The following PITX1 variants were observed in gnomAD, a reference collection of about 807,000 sequenced individuals.
PITX1 encodes the protein paired like homeodomain 1.
Under a neutral mutation model 24.1 loss-of-function variants are expected in PITX1, and 5 were observed. That is an observed-to-expected ratio of 0.21 (90% CI 0.11 to 0.44). The LOEUF (loss-of-function observed/expected upper bound fraction) is 0.44, where lower values mean the gene tolerates loss of function less well. Among genes scored for constraint, PITX1 ranks in the 20% least tolerant of loss-of-function variants. The pLI is 0.99. For synonymous variants in PITX1, 213 were observed against 208.9 expected (o/e 1.02, Z -0.17); for missense variants, 401 against 455.4 (o/e 0.88, Z 1.09).
intron 2 of PITX1, 125 bp downstream of exon 2, chr5:135,031,151 A>C: frequency 1.4e-6 from 1 of 733,430 alleles, no homozygotes; most frequent in Non-Finnish European, 2.4e-6. Flanking sequence ...CGGTGGAGGG[A>C]GGGAGCAGGT....
chr5:135,031,739 C>T (rs1032329441), intron 1 of PITX1: 3 of 592,376 alleles, frequency 5.1e-6, no homozygotes, highest in African/African-American at 3.7e-5. Context: ...GCTGGAGCCG[C>T]GGGCCTGCGT....
Position 135,033,624 on chromosome 5 carries a change from C to G in PITX1, c.169+89G>C. Reference sequence around the variant, plus strand: ...CTGGGGCGGAGAGGGAGCTTGGTTGCGCGGCGCGGGCGTCAGGCCCTGCTC... The same window carrying G: ...CTGGGGCGGAGAGGGAGCTTGGTTGGGCGGCGCGGGCGTCAGGCCCTGCTC... On this transcript the variant is annotated intron_variant, in intron 1 of 2. Coordinates refer to ENST00000265340, the MANE Select transcript of PITX1 (RefSeq NM_002653.5). The surrounding 1 kb of genome is among the most constrained non-coding windows in gnomAD (Gnocchi z 5.9). The G allele has an allele frequency of 1.5e-6, 2 of 1,339,822 alleles. No individual in the cohort carries two copies. Among genetic ancestry groups the G allele is most frequent in the East Asian group, 2.5e-5 (1 of 40,516 alleles). The allele number at this position is 1,339,822 out of a possible 1,614,324, so 83.0% of individuals were successfully genotyped here. A position where few individuals can be genotyped will look rare whatever the true frequency, so the allele number is the denominator to read the frequency against.
rs1475957926 is a variant in PITX1, at chr5:135,028,191, C to T, written c.*588G>A. ...CCGATCCTGGGCTGGGGGCACCGTC[C>T]CCCCAAACCCAACGCCCGCCCCAAC... On this transcript the variant is annotated 3_prime_UTR_variant, in exon 3 of 3. Coordinates refer to ENST00000265340, the MANE Select transcript of PITX1 (RefSeq NM_002653.5). 1 of 152,056 alleles carries T rather than the reference C, an allele frequency of 6.6e-6. No individual in the cohort carries two copies. Among genetic ancestry groups the T allele is most frequent in the East Asian group, 1.9e-4 (1 of 5,180 alleles). 9.4% of individuals were successfully genotyped at this position (152,056 alleles called of 1,614,324 possible).
rs759219259 is a variant in PITX1, at chr5:135,029,238, C to A, written c.486G>T (p.Pro162=). The stretch of plus-strand genomic sequence containing the variant: ...AGGGCTGCACTAGGCCGCTGAACTG[C>A]GGCACGTAGCCACCCTTGCACAGGT... ...QLDLCKGGYV[P]QFSGLVQPYE... Residue 162 remains proline, a synonymous_variant, in exon 3 of 3, where the codon CCG becomes CCT. Transcript: ENST00000265340. 3 of 1,613,508 alleles carry A rather than the reference C, an allele frequency of 1.9e-6. No homozygotes were observed. In the South Asian group the frequency reaches 3.3e-5, roughly 18 times the overall value.
intron 2 of PITX1, among the ~76,000 whole-genome samples, chr5:135,030,194 C>A (rs1752424366): frequency 6.6e-6 from 1 of 152,208 alleles, no homozygotes; most frequent in African/African-American, 2.4e-5. Context: ...CTACCGCATG[C>A]CCTCTGCCCA....
chr5:135,033,117 G>A lies in PITX1; in HGVS notation c.169+596C>T, dbSNP rs917809034. On this transcript the variant is annotated intron_variant, in intron 1 of 2. Coordinates refer to ENST00000265340, the MANE Select transcript of PITX1 (RefSeq NM_002653.5). The surrounding 1 kb of genome is among the most constrained non-coding windows in gnomAD (Gnocchi z 5.9). ...CTCCGGGCTTCGGCCGCGCACGTGG[G>A]CCGGATCCCTTGATCGGCGTTCCGG... 8.6e-5 allele frequency: 32 copies of A among 370,542 alleles called. No homozygotes were observed. In the Admixed American group the frequency reaches 1.0e-3, roughly 12 times the overall value. 23.0% of individuals were successfully genotyped at this position (370,542 alleles called of 1,614,324 possible).
At chr5:135,031,782 G>T in intron 1 of PITX1, 1 of 564,584 alleles carries the variant, frequency 1.8e-6, no homozygotes. Context: ...CCCTTAGCTC[G>T]GCTCAGATTC....
chr5:135,033,626 C>T lies in PITX1; in HGVS notation c.169+87G>A. 3 of 1,357,252 alleles carry T rather than the reference C, an allele frequency of 2.2e-6. No individual in the cohort carries two copies. Among genetic ancestry groups the T allele is most frequent in the Admixed American group, 1.8e-5 (1 of 54,144 alleles). The allele number at this position is 1,357,252 out of a possible 1,614,324, so 84.1% of individuals were successfully genotyped here. ...GGGGCGGAGAGGGAGCTTGGTTGCG[C>T]GGCGCGGGCGTCAGGCCCTGCTCCC... On this transcript the variant is annotated intron_variant, in intron 1 of 2. Coordinates refer to ENST00000265340, the MANE Select transcript of PITX1 (RefSeq NM_002653.5). The surrounding 1 kb of genome is among the most constrained non-coding windows in gnomAD (Gnocchi z 5.9).
intron 2 of PITX1, among the ~76,000 whole-genome samples, chr5:135,029,567 G>A (rs1432867431): frequency 6.6e-6 from 1 of 152,150 alleles, no homozygotes; most frequent in Non-Finnish European, 1.5e-5. Context: ...TCCGAATACG[G>A]ATTCTCGTTT....
rs1487114718 is a variant in PITX1 at position 135,028,874 on chromosome 5, T to G, written c.850A>C (p.Ser284Arg). ...YRDTCNSSLA[S>R]LRLKSKQHSS... ...TGCTGTTTGGACTTGAGCCGCAGGC[T>G]GGCTAGGCTCGAGTTGCACGTGTCC... The change falls in exon 3 of 3, where the codon AGC (serine) becomes CGC (arginine). Residue 284 changes from serine (S) to arginine (R), a missense_variant. Ser to Arg is a moderately radical substitution (Grantham distance 110, BLOSUM62 -1). Around this residue, in one of 3 missense-constraint regions of PITX1, gnomAD observed 217 missense variants for 219.8 expected, o/e 0.99. Transcript: ENST00000265340. 5.0e-5 allele frequency: 80 copies of G among 1,613,666 alleles called. No homozygotes were observed. The highest frequency in any genetic ancestry group is 6.6e-5 in the Non-Finnish European group (78 of 1,179,910).
chr5:135,029,981 T>G (rs944825228), intron 2 of PITX1, among the ~76,000 whole-genome samples: 2 of 152,000 alleles, frequency 1.3e-5, no homozygotes, highest in Non-Finnish European at 2.9e-5. Flanking sequence ...CCTTAAACAG[T>G]TGATTCTTTT....
chr5:135,028,839 A>G lies in PITX1; in HGVS notation c.885T>C (p.Phe295=), dbSNP rs1400239787. ...LRLKSKQHSS[F]GYGGLQGPAS... is the part of the protein sequence containing the mutation. Reference sequence around the variant, plus strand: ...CCGGGCCCTGCAGGCCGCCGTAGCCAAACGACGAGTGCTGTTTGGACTTGA... The same window carrying G: ...CCGGGCCCTGCAGGCCGCCGTAGCCGAACGACGAGTGCTGTTTGGACTTGA... The change falls in exon 3 of 3, where the codon TTT becomes TTC. Residue 295 remains phenylalanine (F), a synonymous_variant. Coordinates refer to ENST00000265340, the MANE Select transcript of PITX1 (RefSeq NM_002653.5). 1.2e-6 allele frequency: 2 copies of G among 1,613,384 alleles called. No homozygotes were observed. The highest frequency in any genetic ancestry group is 1.7e-5 in the Admixed American group (1 of 60,006).
At position 135,033,593 on chromosome 5, in the gene PITX1, A is replaced by G; in HGVS notation, c.169+120T>C. On this transcript the variant is annotated intron_variant, in intron 1 of 2. Transcript: ENST00000265340. This position sits in a 1 kb window ranked among gnomAD's most constrained non-coding sequence, Gnocchi z 5.9. ...GAGAACGGGAAAAAGAAAGCTCCTG[A>G]CGCTTCTGGGGCGGAGAGGGAGCTT... 1 of 1,031,500 alleles carries G rather than the reference A, an allele frequency of 9.7e-7. No homozygotes were observed. Among genetic ancestry groups the G allele is most frequent in the Non-Finnish European group, 1.4e-6 (1 of 698,678 alleles). The allele number at this position is 1,031,500 out of a possible 1,614,324, so 63.9% of individuals were successfully genotyped here. A position where few individuals can be genotyped will look rare whatever the true frequency, so the allele number is the denominator to read the frequency against.
Position 135,029,012 on chromosome 5 carries a change from G to A in PITX1, c.712C>T (p.Pro238Ser), listed in dbSNP as rs1448173070. ...SMGPGAVPGMPNSGLNNINNL... is the reference protein window; with the variant it reads ...SMGPGAVPGMSNSGLNNINNL... ...TTGATGTTGTTGAGGCCCGAGTTGG[G>A]CATGCCAGGCACGGCGCCTGGGCCC... Residue 238 changes from proline (P) to serine (S), a missense_variant, in exon 3 of 3, where the codon CCC becomes TCC. Transcript: ENST00000265340. The A allele has an allele frequency of 1.2e-6, 2 of 1,614,236 alleles. No individual in the cohort carries two copies.
chr5:135,029,764 A>G (rs1291384557), intron 2 of PITX1, among the ~76,000 whole-genome samples: 2 of 152,192 alleles, frequency 1.3e-5, no homozygotes, highest in Non-Finnish European at 2.9e-5. Context: ...TCATCGCTCA[A>G]ATAGTTTGTT....
chr5:135,033,784 A>T lies in PITX1; in HGVS notation c.98T>A (p.Leu33Gln). The T allele has an allele frequency of 6.3e-7, 1 of 1,584,150 alleles. No homozygotes were observed. Among genetic ancestry groups the T allele is most frequent in the Non-Finnish European group, 8.5e-7 (1 of 1,172,922 alleles). The change falls in exon 1 of 3, where the codon CTG (leucine) becomes CAG (glutamine). Residue 33 changes from leucine to glutamine, a missense_variant. Physicochemically the swap from Leu to Gln is moderately radical, Grantham distance 113. Transcript: ENST00000265340. The surrounding 1 kb of genome is among the most constrained non-coding windows in gnomAD (Gnocchi z 5.9). ...PPHDMGPAFH[L>Q]ARPADPREPL... ...CTCGCGGGGGTCGGCGGGCCGGGCC[A>T]GGTGGAAGGCGGGCCCCATGTCATG...
Position 135,033,988 on chromosome 5 carries a change from C to G in PITX1, c.-107G>C. 9.1e-6 allele frequency: 6 copies of G among 660,828 alleles called. No individual in the cohort carries two copies. The highest frequency in any genetic ancestry group is 1.2e-5 in the Non-Finnish European group (6 of 480,212). The allele number at this position is 660,828 out of a possible 1,614,324, so 40.9% of individuals were successfully genotyped here. A position where few individuals can be genotyped will look rare whatever the true frequency, so the allele number is the denominator to read the frequency against. On this transcript the variant is annotated 5_prime_UTR_variant, in exon 1 of 3. Coordinates refer to ENST00000265340, the MANE Select transcript of PITX1 (RefSeq NM_002653.5). The surrounding 1 kb of genome is among the most constrained non-coding windows in gnomAD (Gnocchi z 5.9). ...AGCGCAGCGCCTAAGCGGCTGCCCT[C>G]CAGGGCTGCCGGCGCCTGCAGCGAC...
At position 135,033,673 on chromosome 5, in the gene PITX1, G is replaced by C. The variant is rs753977305; in HGVS notation, c.169+40C>G. The C allele has an allele frequency of 4.4e-6, 7 of 1,585,000 alleles. No individual in the cohort carries two copies. In the South Asian group the frequency reaches 4.5e-5, roughly 10 times the overall value. ...TCCCAGCTCCCCGTGCTCCGCGCCCGGGTAGGCTCTGTGCGCGCCGCGCGG... is the reference window on the plus strand; with the variant it reads ...TCCCAGCTCCCCGTGCTCCGCGCCCCGGTAGGCTCTGTGCGCGCCGCGCGG... On this transcript the variant is annotated intron_variant, in intron 1 of 2. Coordinates refer to ENST00000265340, the MANE Select transcript of PITX1 (RefSeq NM_002653.5). The surrounding 1 kb of genome is among the most constrained non-coding windows in gnomAD (Gnocchi z 5.9).
intron 2 of PITX1, 123 bp downstream of exon 2, chr5:135,031,153 G>A (rs905410969): frequency 8.0e-6 from 6 of 749,502 alleles, no homozygotes; most frequent in African/African-American, 1.7e-5. Context: ...GTGGAGGGAG[G>A]GAGCAGGTCT....
Sources: allele counts gnomAD v4.1 joint callset (sites outside exome capture counted in the v4.1 genomes callset), GRCh38; gene constraint gnomAD v4.1.1; regional missense constraint gnomAD v4.1.1; non-coding constraint Gnocchi (gnomAD v3.1); transcripts MANE v1.5; gene names NCBI Gene and HGNC (gene_info 2026-07-23, HGNC 2026-07-21).